Variants in MYCBP2 observed in about 807,000 individuals in gnomAD.
MYCBP2 encodes MYC binding protein 2, also known as E3 ubiquitin-protein ligase MYCBP2.
Under a neutral mutation model 525.3 loss-of-function variants are expected in MYCBP2, and 120 were observed. That is an observed-to-expected ratio of 0.23 (90% confidence interval 0.20 to 0.27). The LOEUF (loss-of-function observed/expected upper bound fraction) is 0.27, where lower values mean the gene tolerates loss of function less well. Ranked by LOEUF, MYCBP2 falls within the 10% of genes least tolerant of loss-of-function variation. The pLI is 1.00. For synonymous variants in MYCBP2, 1,894 were observed against 1,955.8 expected (o/e 0.97, Z 0.83); for missense variants, 4,149 against 5,657.1 (o/e 0.73, Z 8.55).
At chr13:77,158,810 G>A (rs1332416588) in intron 44 of MYCBP2, among the ~76,000 whole-genome samples, 1 of 152,150 alleles carries the variant, frequency 6.6e-6, no homozygotes, top group Non-Finnish European at 1.5e-5. Context: ...GTTCTCTTGG[G>A]TGGGTGGGCA....
chr13:77,118,057 T>C (rs991480566), intron 55 of MYCBP2, among the ~76,000 whole-genome samples: 1 of 152,336 alleles, frequency 6.6e-6, no homozygotes, highest in African/African-American at 2.4e-5. Flanking sequence ...GAAATGGCTT[T>C]ATCCTTTTGG....
chr13:77,077,441 C>T, intron 66 of MYCBP2, 54 bp from the exon 67 acceptor site: 2 of 1,596,858 alleles, frequency 1.3e-6, no homozygotes, highest in Non-Finnish European at 1.7e-6. Flanking sequence ...ACTTTTATCA[C>T]TGTGCTGGAC....
rs113231711 is a variant in MYCBP2 at position 77,150,468 on chromosome 13, A to G, written c.7131+266T>C. On this transcript the variant is annotated intron_variant, in intron 47 of 82. Transcript: ENST00000544440. ...GAAGTAGACAAGTACTTTCACAGGA[A>G]CTGAAACTCAGCCTAATCCATCTGT... is the stretch of plus-strand genomic sequence containing the variant. 2.3e-3 allele frequency among the ~76,000 whole-genome samples: 345 copies of G among 152,204 alleles called. 3 individuals carry two copies. Among genetic ancestry groups the G allele is most frequent in the Non-Finnish European group, 3.4e-3 (231 of 68,000 alleles).
chr13:77,064,427 A>C (rs1210089963), intron 73 of MYCBP2, among the ~76,000 whole-genome samples, 188 bp downstream of exon 73: 1 of 152,252 alleles, frequency 6.6e-6, no homozygotes, highest in Non-Finnish European at 1.5e-5. Flanking sequence ...CACAGAACAC[A>C]TAACAGTGAG....
chr13:77,168,724 G>T, intron 39 of MYCBP2, 78 bp from the exon 40 acceptor site: 2 of 1,293,666 alleles, frequency 1.5e-6, no homozygotes, highest in South Asian at 1.3e-5. Context: ...AATAATTGTT[G>T]GTTACTCTAA....
rs1261732195 is a variant in MYCBP2 at position 77,251,372 on chromosome 13, T to C, written c.2177-17A>G. 1.1e-5 allele frequency: 17 copies of C among 1,608,694 alleles called. No homozygotes were observed. The highest frequency in any genetic ancestry group is 1.4e-5 in the Non-Finnish European group (16 of 1,175,868). ...CTCCAAACCCTATTTGACAGATCAA[T>C]TTGTAATTTTTATACAGGTTACTTT... On this transcript the variant is annotated splice_polypyrimidine_tract_variant and intron_variant, in intron 14 of 82. Transcript: ENST00000544440.
intron 34 of MYCBP2, among the ~76,000 whole-genome samples, chr13:77,178,410 T>C: frequency 6.6e-6 from 1 of 152,190 alleles, no homozygotes; most frequent in East Asian, 1.9e-4. Context: ...CTATGTCCTC[T>C]CTCCTCTTAC....
In MYCBP2 at chr13:77,288,224, C is replaced by T; in HGVS notation, c.531G>A (p.Gln177=). ...SLAAASKNSV[Q]SGESDSDEEE... Reference sequence around the variant, plus strand: ...CTTCATCACTATCTGATTCTCCACTCTGCACAGAGTTCTTAGATGCGGCTG... The same window carrying T: ...CTTCATCACTATCTGATTCTCCACTTTGCACAGAGTTCTTAGATGCGGCTG... Residue 177 remains glutamine, a synonymous_variant, in exon 3 of 83, where the codon CAG becomes CAA. Transcript: ENST00000544440. 1 of 1,614,196 alleles carries T rather than the reference C, an allele frequency of 6.2e-7. No individual in the cohort carries two copies. Among genetic ancestry groups the T allele is most frequent in the Non-Finnish European group, 8.5e-7 (1 of 1,180,030 alleles).
intron 55 of MYCBP2, among the ~76,000 whole-genome samples, chr13:77,105,834 GC>G (rs1566547436): frequency 6.6e-6 from 1 of 152,026 alleles, no homozygotes; most frequent in Non-Finnish European, 1.5e-5. Flanking sequence ...AATATTGTTT[GC>G]TTACTATAGT....
chr13:77,117,602 C>T (rs1304804381), intron 55 of MYCBP2, among the ~76,000 whole-genome samples: 1 of 152,070 alleles, frequency 6.6e-6, no homozygotes, highest in Admixed American at 6.6e-5. Context: ...AAATGGTATA[C>T]AAGCTGAAAC....
chr13:77,286,516 G>A (rs1031996963), intron 3 of MYCBP2, among the ~76,000 whole-genome samples: 3 of 150,984 alleles, frequency 2.0e-5, no homozygotes, highest in Admixed American at 2.0e-4. Context: ...CACGTTGGGA[G>A]GCCGAGGCAG....
chr13:77,049,722 G>T (rs182796336), intron 82 of MYCBP2, among the ~76,000 whole-genome samples: 1 of 151,894 alleles, frequency 6.6e-6, no homozygotes, highest in Non-Finnish European at 1.5e-5. Flanking sequence ...TGCAACCTCC[G>T]CCTCTCAGGC....
chr13:77,268,058 A>G (rs1357001039), intron 7 of MYCBP2, 121 bp from the exon 8 acceptor site: 2 of 603,278 alleles, frequency 3.3e-6, no homozygotes, highest in Non-Finnish European at 5.9e-6. Flanking sequence ...TTGATGTCTA[A>G]AAGATATTAA....
chr13:77,302,307 A>G (rs1403770708), intron 1 of MYCBP2, among the ~76,000 whole-genome samples: 1 of 148,704 alleles, frequency 6.7e-6, no homozygotes, highest in African/African-American at 2.5e-5. Flanking sequence ...TAAAGCAGCC[A>G]GAGAAGAGAT....
chr13:77,190,382 G>C (rs925071418), intron 28 of MYCBP2, 47 bp from the exon 29 acceptor site: 5 of 1,078,478 alleles, frequency 4.6e-6, no homozygotes, highest in Non-Finnish European at 5.6e-6. Flanking sequence ...ATCATTACAG[G>C]AAATAAGAAA....
intron 15 of MYCBP2, among the ~76,000 whole-genome samples, chr13:77,250,123 C>G (rs1032526814): frequency 6.7e-6 from 1 of 149,960 alleles, no homozygotes; most frequent in African/African-American, 2.5e-5. Flanking sequence ...CTTGGGAGGT[C>G]GAGGCAGGAG....
In MYCBP2 at chr13:77,270,076, C is replaced by A; in HGVS notation, c.1189-13G>T. On this transcript the variant is annotated splice_polypyrimidine_tract_variant and intron_variant, in intron 6 of 82. Coordinates refer to ENST00000544440, the MANE Select transcript of MYCBP2 (RefSeq NM_015057.5). The stretch of plus-strand genomic sequence containing the variant: ...TGTATATATGGCCCTGCAAAAAAAA[C>A]AAAAGTTAGTATATCAGTGGTTTCA... The A allele has an allele frequency of 6.3e-7, 1 of 1,584,946 alleles. No homozygotes were observed. Among genetic ancestry groups the A allele is most frequent in the Non-Finnish European group, 8.6e-7 (1 of 1,166,790 alleles).
At chr13:77,121,289 A>G in intron 55 of MYCBP2, 84 bp downstream of exon 55, 1 of 1,204,566 alleles carries the variant, frequency 8.3e-7, no homozygotes, top group Non-Finnish European at 1.1e-6. Context: ...TTTCTGGGTG[A>G]ACACAAATAA....
chr13:77,168,153 C>T (rs1397298884), intron 40 of MYCBP2, among the ~76,000 whole-genome samples: 2 of 152,138 alleles, frequency 1.3e-5, no homozygotes, highest in African/African-American at 2.4e-5. Context: ...TTGCAAATCA[C>T]AGCATGAAGT....
Sources: allele counts gnomAD v4.1 joint callset (sites outside exome capture counted in the v4.1 genomes callset), GRCh38; gene constraint gnomAD v4.1.1; transcripts MANE v1.5; gene names NCBI Gene and HGNC (gene_info 2026-07-23, HGNC 2026-07-21).